Variants in AHNAK observed in about 807,000 individuals in gnomAD.
AHNAK encodes neuroblast differentiation-associated protein AHNAK.
A neutral mutation model predicts 37.8 loss-of-function variants in AHNAK; 23 were observed. The observed-to-expected ratio is 0.61, with a 90% CI of 0.44 to 0.86. The LOEUF is 0.86. AHNAK is among the 40% of genes least tolerant of loss of function. AHNAK has a pLI of 0.00. For synonymous variants in AHNAK, 2,481 were observed against 2,636.3 expected, an observed-to-expected ratio of 0.94 and a Z score of 1.80; for missense variants, 7,411 against 7,319.4, an observed-to-expected ratio of 1.01 and a Z score of -0.46.
chr11:62,531,303 A>G lies in AHNAK; in HGVS notation c.3114T>C (p.Ala1038=), dbSNP rs765600649. 1.2e-6 allele frequency: 2 copies of G among 1,613,438 alleles called. No individual in the cohort carries two copies. Among genetic ancestry groups the G allele is most frequent in the South Asian group, 2.2e-5 (2 of 91,006 alleles). The part of the protein sequence containing the change: ...DISAPKVDTN[A]PDLSLEGPEG... ...CAGGTCCTTCAAGGCTCAGATCTGG[A>G]GCATTAGTATCTACTTTTGGTGCAG... Residue 1038 remains alanine, a synonymous_variant, in exon 5 of 5, where the codon GCT becomes GCC. Coordinates refer to ENST00000378024, the MANE Select transcript of AHNAK (RefSeq NM_001620.3).
chr11:62,435,419 T>C (rs1938140764), intron 5 of AHNAK, among the ~76,000 whole-genome samples: 1 of 152,160 alleles, frequency 6.6e-6, no homozygotes, highest in Admixed American at 6.5e-5. Flanking sequence ...TTTATCTTTT[T>C]TTTTTCTTTT....
At position 62,532,304 on chromosome 11, in the gene AHNAK, G is replaced by A; in HGVS notation, c.2113C>T (p.His705Tyr). Residue 705 changes from histidine to tyrosine, a missense_variant, in exon 5 of 5, where the codon CAC becomes TAC. His to Tyr is a moderately conservative substitution (Grantham distance 83). Coordinates refer to ENST00000378024, the MANE Select transcript of AHNAK (RefSeq NM_001620.3). ...CCCTTCACCTTTGTACCTTTCACGT[G>A]CAAATCTACATCAGGCATGGAGATC... ...PKISMPDVDLHVKGTKVKGEY... is the reference protein window; with the variant it reads ...PKISMPDVDLYVKGTKVKGEY... 3 of 1,614,054 alleles carry A rather than the reference G, an allele frequency of 1.9e-6. No individual in the cohort carries two copies. The highest frequency in any genetic ancestry group is 2.5e-6 in the Non-Finnish European group (3 of 1,180,026).
In AHNAK at chr11:62,525,661, G is replaced by T. The variant is rs199898917; in HGVS notation, c.8756C>A (p.Pro2919His). Residue 2919 changes from proline (P) to histidine (H), a missense_variant, in exon 5 of 5, where the codon CCC becomes CAC. Pro to His is a moderately conservative substitution (Grantham distance 77). Coordinates refer to ENST00000378024, the MANE Select transcript of AHNAK (RefSeq NM_001620.3). Reference sequence around the variant, plus strand: ...GCCTGAGACATCAACGTCAGCCTTGGGCAGGTTCACATCCACTTCAGGGCC... The same window carrying T: ...GCCTGAGACATCAACGTCAGCCTTGTGCAGGTTCACATCCACTTCAGGGCC... ...AEGPEVDVNLPKADVDVSGPK... is the reference protein window; with the variant it reads ...AEGPEVDVNLHKADVDVSGPK... 1 of 1,613,398 alleles carries T rather than the reference G, an allele frequency of 6.2e-7. No homozygotes were observed. Among genetic ancestry groups the T allele is most frequent in the African/African-American group, 1.3e-5 (1 of 74,720 alleles).
At chr11:62,459,898 G>A in intron 5 of AHNAK, among the ~76,000 whole-genome samples, 1 of 152,164 alleles carries the variant, frequency 6.6e-6, no homozygotes, top group South Asian at 2.1e-4. Flanking sequence ...CCAGCACTTT[G>A]GGAGGCGGAG....
chr11:62,514,574 A>T (rs2134185560), downstream of AHNAK, among the ~76,000 whole-genome samples: 1 of 152,302 alleles, frequency 6.6e-6, no homozygotes, highest in South Asian at 2.1e-4. Flanking sequence ...TGGCTGTCAC[A>T]TGGATGCTGC....
chr11:62,508,202 C>T (rs1479753525), intron 4 of AHNAK, among the ~76,000 whole-genome samples: 2 of 152,142 alleles, frequency 1.3e-5, no homozygotes, highest in African/African-American at 2.4e-5. Flanking sequence ...CCTAAAATTC[C>T]CCCAGAAAAG....
At chr11:62,443,815 A>C (rs1938365045) in intron 5 of AHNAK, among the ~76,000 whole-genome samples, 1 of 152,194 alleles carries the variant, frequency 6.6e-6, no homozygotes, top group South Asian at 2.1e-4. Context: ...AAATTACTGA[A>C]ATCTACAAAT....
chr11:62,533,407 G>A lies in AHNAK; in HGVS notation c.1010C>T (p.Ser337Phe), dbSNP rs760429809. Residue 337 changes from serine to phenylalanine, a missense_variant, in exon 5 of 5, where the codon TCT (serine) becomes TTT (phenylalanine). Ser to Phe is a radical substitution (Grantham distance 155). Coordinates refer to ENST00000378024, the MANE Select transcript of AHNAK (RefSeq NM_001620.3). ...AGLRVSAPEV[S>F]VGHKGGKPGL... Reference sequence around the variant, plus strand: ...TGGCTTGCCGCCCTTGTGCCCCACAGAGACTTCAGGTGCAGAAACCCTCAG... The same window carrying A: ...TGGCTTGCCGCCCTTGTGCCCCACAAAGACTTCAGGTGCAGAAACCCTCAG... The A allele has an allele frequency of 3.1e-6, 5 of 1,606,228 alleles. No homozygotes were observed. In the African/African-American group the frequency reaches 6.7e-5, roughly 21 times the overall value.
At chr11:62,463,734 T>C (rs1938841961) in intron 5 of AHNAK, among the ~76,000 whole-genome samples, 1 of 151,898 alleles carries the variant, frequency 6.6e-6, no homozygotes, top group African/African-American at 2.4e-5. Context: ...TTTGTTTGGT[T>C]GGTTGGTTGG....
chr11:62,512,346 T>A (rs988841494), downstream of AHNAK, among the ~76,000 whole-genome samples: 4 of 152,088 alleles, frequency 2.6e-5, no homozygotes, highest in African/African-American at 9.7e-5. The surrounding 1 kb of genome is among the most constrained non-coding windows in gnomAD (Gnocchi z 4.0). Context: ...ATGGCTATAG[T>A]CCCCACTGAG....
Position 62,524,707 on chromosome 11 carries a change from A to G in AHNAK, c.9710T>C (p.Val3237Ala), listed in dbSNP as rs1289006821. The G allele has an allele frequency of 6.2e-6, 10 of 1,613,936 alleles. No individual in the cohort carries two copies. The Admixed American group carries it at 1.7e-4, about 27-fold the overall frequency. ...NLKGPKMKGE[V>A]DVSLANVEGD... ...TTCTACATTTGCAAGTGAAACATCC[A>G]CCTCTCCTTTCATTTTAGGGCCTTT... Residue 3237 changes from valine to alanine, a missense_variant, in exon 5 of 5, where the codon GTG (valine) becomes GCG (alanine). Coordinates refer to ENST00000378024, the MANE Select transcript of AHNAK (RefSeq NM_001620.3).
rs193222527 is a variant in AHNAK at position 62,503,416 on chromosome 11, T to C, written c.343-11585A>G. On this transcript the variant is annotated intron_variant, in intron 4 of 5. Coordinates refer to the AHNAK transcript ENST00000257247. ...GCCTGGCCAACATGGTGAAACCCTG[T>C]CTCTACTAAAAGAAAAATTAGCCGG... is the stretch of plus-strand genomic sequence containing the variant. Among the ~76,000 whole-genome samples, 783 of 152,090 alleles carry C rather than the reference T, an allele frequency of 5.1e-3. 8 individuals carry two copies. Among genetic ancestry groups the C allele is most frequent in the Non-Finnish European group, 6.2e-3 (420 of 67,986 alleles).
intron 5 of AHNAK, among the ~76,000 whole-genome samples, chr11:62,456,503 AC>A (rs1297343406): frequency 6.6e-6 from 1 of 152,234 alleles, no homozygotes; most frequent in African/African-American, 2.4e-5. Flanking sequence ...GCCCAAGAGC[AC>A]CCAGCAGATA....
chr11:62,454,126 A>G (rs1565199268), intron 5 of AHNAK, among the ~76,000 whole-genome samples: 2 of 146,270 alleles, frequency 1.4e-5, no homozygotes, highest in Non-Finnish European at 3.0e-5. Flanking sequence ...AAAAAGAAAG[A>G]AAATTGGCTG....
chr11:62,444,026 C>T (rs1171947626), intron 5 of AHNAK, among the ~76,000 whole-genome samples: 1 of 152,174 alleles, frequency 6.6e-6, no homozygotes, highest in African/African-American at 2.4e-5. Flanking sequence ...AACACCGTCC[C>T]CCTCCAATGC....
At chr11:62,463,457 T>TACTCCAG (rs1555021180) in intron 5 of AHNAK, among the ~76,000 whole-genome samples, 3 of 150,554 alleles carry the variant, frequency 2.0e-5, no homozygotes, top group Non-Finnish European at 4.4e-5. Context: ...CTCTCCTCCA[T>TACTCCAG]CCTCCAGCCT....
At chr11:62,510,742 C>CCAAA (rs1229098047) in intron 4 of AHNAK, among the ~76,000 whole-genome samples, 2 of 150,104 alleles carry the variant, frequency 1.3e-5, no homozygotes, top group African/African-American at 2.5e-5. Context: ...AGATTCTGTC[C>CCAAA]CAAACAAACA....
In AHNAK at chr11:62,531,756, C is replaced by A. The variant is rs771618475; in HGVS notation, c.2661G>T (p.Met887Ile). ...CTGGGCCCTCTGCTTTGAAGCCAGG[C>A]ATGCTGAACTTGGGCATTTTCATCT... is the stretch of plus-strand genomic sequence containing the variant. ...MPKMKMPKFS[M>I]PGFKAEGPEV... The change falls in exon 5 of 5, where the codon ATG becomes ATT. Residue 887 changes from methionine (M) to isoleucine (I), a missense_variant. Coordinates refer to ENST00000378024, the MANE Select transcript of AHNAK (RefSeq NM_001620.3). 5.6e-6 allele frequency: 9 copies of A among 1,613,728 alleles called. No homozygotes were observed. In the South Asian group the frequency reaches 7.7e-5, roughly 14 times the overall value.
Position 62,527,597 on chromosome 11 carries a change from C to T in AHNAK, c.6820G>A (p.Val2274Ile), listed in dbSNP as rs772892947. The T allele has an allele frequency of 1.9e-6, 3 of 1,613,558 alleles. No individual in the cohort carries two copies. The change falls in exon 5 of 5, where the codon GTC (valine) becomes ATC (isoleucine). Residue 2274 changes from valine (V) to isoleucine (I), a missense_variant. By Grantham distance (29) the Val-to-Ile change is conservative (BLOSUM62 3). Transcript: ENST00000378024. ...DVNLPKADVD[V>I]SGPKVDVEVP... ...TCAACATCCACCTTGGGTCCTGAGA[C>T]ATCAACGTCAGCCTTGGGCAAGTTC...
Sources: allele counts gnomAD v4.1 joint callset (sites outside exome capture counted in the v4.1 genomes callset), GRCh38; gene constraint gnomAD v4.1.1; non-coding constraint Gnocchi (gnomAD v3.1); transcripts MANE v1.5; gene names NCBI Gene and HGNC (gene_info 2026-07-23, HGNC 2026-07-21).